The following ANGPT1 variants were observed in gnomAD, a reference collection of about 807,000 sequenced individuals.
ANGPT1 encodes angiopoietin-1.
ANGPT1 carries 17 observed loss-of-function variants against 62.2 expected under a neutral mutation model. That is an observed-to-expected ratio of 0.27 (90% CI 0.19 to 0.41). The LOEUF (loss-of-function observed/expected upper bound fraction) is 0.41, where lower values mean the gene tolerates loss of function less well. ANGPT1 is among the 10% of genes least tolerant of loss of function. The pLI is 1.00. For synonymous variants in ANGPT1, 199 were observed against 198.9 expected (o/e 1.00, Z 0.00); for missense variants, 478 against 594.9 (o/e 0.80, Z 2.04).
intron 1 of ANGPT1, among the ~76,000 whole-genome samples, chr8:107,429,669 AGTCG>A (rs1282760494): frequency 1.6e-5 from 2 of 121,898 alleles, no homozygotes; most frequent in African/African-American, 3.0e-5. Flanking sequence ...AAAAAAAAAA[AGTCG>A]ACTCTGCTGG....
intron 5 of ANGPT1, among the ~76,000 whole-genome samples, chr8:107,301,950 G>T (rs972243365): frequency 6.6e-6 from 1 of 151,902 alleles, no homozygotes; most frequent in African/African-American, 2.4e-5. Flanking sequence ...GGCAAACTGG[G>T]CTCCAGGATT....
chr8:107,360,121 T>C (rs533003371), intron 1 of ANGPT1, among the ~76,000 whole-genome samples: 1 of 152,148 alleles, frequency 6.6e-6, no homozygotes, highest in African/African-American at 2.4e-5. Context: ...TCTGGTTTCA[T>C]AAGAAGTCAA....
At chr8:107,474,222 A>G (rs1812447180) in intron 1 of ANGPT1, among the ~76,000 whole-genome samples, 1 of 149,430 alleles carries the variant, frequency 6.7e-6, no homozygotes, top group Non-Finnish European at 1.5e-5. Flanking sequence ...AGCAACATCA[A>G]AAAGCTTATC....
intron 7 of ANGPT1, among the ~76,000 whole-genome samples, chr8:107,278,078 CT>C (rs780803754): frequency 0.015 from 2,079 of 140,070 alleles, 23 homozygotes; most frequent in African/African-American, 0.036. Context: ...CTTTTCTTTT[CT>C]TTTTTTTTTT....
In ANGPT1 at chr8:107,415,894, G is replaced by A. The variant is rs146884941; in HGVS notation, c.298-68797C>T. ...AATTATAACGGAGCTATAAAAGTAA[G>A]ACCAGAAGTAAAGTGAAGAAAGGGC... On this transcript the variant is annotated intron_variant, in intron 1 of 8. Transcript: ENST00000517746. Among the ~76,000 whole-genome samples the A allele has an allele frequency of 2.5e-4, 38 of 152,198 alleles. No individual in the cohort carries two copies. The East Asian group carries it at 7.3e-3, about 29-fold the overall frequency.
intron 6 of ANGPT1, among the ~76,000 whole-genome samples, chr8:107,286,002 A>C (rs1324148340): frequency 6.6e-6 from 1 of 152,176 alleles, no homozygotes; most frequent in Admixed American, 6.6e-5. Flanking sequence ...AAAGGGAGAG[A>C]GAAATGGAGG....
intron 1 of ANGPT1, among the ~76,000 whole-genome samples, chr8:107,384,073 G>T (rs968008453): frequency 3.9e-5 from 6 of 152,106 alleles, no homozygotes; most frequent in Non-Finnish European, 5.9e-5. Context: ...ACCCAAAAGG[G>T]TTTGTATTTG....
intron 4 of ANGPT1, among the ~76,000 whole-genome samples, chr8:107,304,791 T>G (rs117375256): frequency 0.027 from 4,057 of 151,990 alleles, 77 homozygotes; most frequent in Non-Finnish European, 0.037. Flanking sequence ...CATTATGATT[T>G]TCTATGTAGC....
At chr8:107,349,381 G>A (rs1815884636) in intron 1 of ANGPT1, among the ~76,000 whole-genome samples, 1 of 152,058 alleles carries the variant, frequency 6.6e-6, no homozygotes, top group Non-Finnish European at 1.5e-5. Context: ...CAAGATTTTG[G>A]ATTGTTACTT....
chr8:107,358,169 A>G (rs1816087793), intron 1 of ANGPT1, among the ~76,000 whole-genome samples: 1 of 152,196 alleles, frequency 6.6e-6, no homozygotes, highest in Non-Finnish European at 1.5e-5. Context: ...ACAGGCATAA[A>G]ACTGTCAATG....
chr8:107,462,518 T>G (rs1287664175), intron 1 of ANGPT1, among the ~76,000 whole-genome samples: 1 of 151,710 alleles, frequency 6.6e-6, no homozygotes, highest in East Asian at 2.0e-4. Context: ...CCTTTACAAG[T>G]GAGGTTGCTG....
chr8:107,433,031 T>A (rs1811235872), intron 1 of ANGPT1, among the ~76,000 whole-genome samples: 1 of 152,254 alleles, frequency 6.6e-6, no homozygotes, highest in African/African-American at 2.4e-5. Flanking sequence ...TTAATAAACA[T>A]TCATATTTCA....
chr8:107,482,407 G>A (rs548544290), intron 1 of ANGPT1, among the ~76,000 whole-genome samples: 1 of 152,180 alleles, frequency 6.6e-6, no homozygotes, highest in African/African-American at 2.4e-5. Flanking sequence ...CTGAGTTGAG[G>A]TGACTCAAAT....
At chr8:107,294,533 T>A (rs1463999555) in intron 5 of ANGPT1, 1 of 152,624 alleles carries the variant, frequency 6.6e-6, no homozygotes, top group Non-Finnish European at 1.5e-5. Flanking sequence ...TATCAATTCT[T>A]ATATATGTAC....
At chr8:107,267,403 A>G (rs1309409191) in intron 7 of ANGPT1, among the ~76,000 whole-genome samples, 1 of 152,168 alleles carries the variant, frequency 6.6e-6, no homozygotes, top group Non-Finnish European at 1.5e-5. Flanking sequence ...AGGTATAGGT[A>G]TTAGGATTAC....
chr8:107,283,964 T>C (rs1814077254), intron 7 of ANGPT1: 1 of 152,158 alleles, frequency 6.6e-6, no homozygotes, highest in African/African-American at 2.4e-5. Context: ...AGTAACACAA[T>C]AAGTGTTCGT....
At chr8:107,407,938 T>C (rs149789881) in intron 1 of ANGPT1, among the ~76,000 whole-genome samples, 3 of 152,324 alleles carry the variant, frequency 2.0e-5, no homozygotes, top group Non-Finnish European at 2.9e-5. Context: ...CCTCCATTAT[T>C]ATGAAAACTC....
chr8:107,288,829 GAC>G, intron 6 of ANGPT1, among the ~76,000 whole-genome samples: 1 of 152,006 alleles, frequency 6.6e-6, no homozygotes, highest in Admixed American at 6.6e-5. Context: ...ATGCCTAAAA[GAC>G]AGAGTCAACC....
chr8:107,253,728 G>C (rs941631369), intron 8 of ANGPT1, among the ~76,000 whole-genome samples: 2 of 152,136 alleles, frequency 1.3e-5, no homozygotes, highest in Admixed American at 1.3e-4. Flanking sequence ...CGGAAAGACA[G>C]ACGTCTGTTG....
Sources: allele counts gnomAD v4.1 joint callset (sites outside exome capture counted in the v4.1 genomes callset), GRCh38; gene constraint gnomAD v4.1.1; transcripts MANE v1.5; gene names NCBI Gene and HGNC (gene_info 2026-07-23, HGNC 2026-07-21).